Variants in STIM1 observed in about 807,000 individuals in gnomAD.
STIM1 encodes the protein stromal interaction molecule 1.
In STIM1, 25 loss-of-function variants were observed where a neutral mutation model predicts 74.7. The observed-to-expected ratio is 0.33, with a 90% confidence interval of 0.24 to 0.47. The LOEUF is 0.47. Among genes scored for constraint, STIM1 ranks in the 20% least tolerant of loss-of-function variants. STIM1 has a pLI of 1.00. For synonymous variants in STIM1, 328 were observed against 348.8 expected (o/e 0.94, Z 0.66); for missense variants, 728 against 920.8 (o/e 0.79, Z 2.71).
intron 7 of STIM1, among the ~76,000 whole-genome samples, chr11:4,078,362 C>T (rs1169829805): frequency 6.6e-6 from 1 of 152,186 alleles, no homozygotes; most frequent in East Asian, 1.9e-4. Context: ...TGCAGTTCTG[C>T]CACTTCGTAG....
chr11:3,983,990 G>A (rs1440848900), intron 2 of STIM1, among the ~76,000 whole-genome samples: 2 of 151,448 alleles, frequency 1.3e-5, no homozygotes, highest in Non-Finnish European at 1.5e-5. Context: ...CCTCAGCCTC[G>A]CGAGTAGCTG....
rs1276113921 is a variant in STIM1, at chr11:4,055,578, G to A, written c.438G>A (p.Glu146=). The change falls in exon 4 of 13, where the codon GAG becomes GAA. Residue 146 remains glutamate, a synonymous_variant. Coordinates refer to ENST00000526596, the MANE Select transcript of STIM1 (RefSeq NM_001382567.1). ...EVVQWLITYV[E]LPQYEETFRK... is the part of the protein sequence containing the mutation. ...TACAGTGGCTGATCACATATGTGGA[G>A]CTGCCTCAGTATGAGGAGACCTTCC... 1 of 1,601,200 alleles carries A rather than the reference G, an allele frequency of 6.2e-7. No homozygotes were observed. The highest frequency in any genetic ancestry group is 8.5e-7 in the Non-Finnish European group (1 of 1,175,150).
At chr11:4,024,915 G>A (rs940670675) in intron 3 of STIM1, among the ~76,000 whole-genome samples, 1 of 152,144 alleles carries the variant, frequency 6.6e-6, no homozygotes, top group East Asian at 1.9e-4. Flanking sequence ...TGTGGCTAGG[G>A]CACAGATAAC....
At chr11:4,077,270 C>T (rs2094442607) in intron 7 of STIM1, among the ~76,000 whole-genome samples, 1 of 151,580 alleles carries the variant, frequency 6.6e-6, no homozygotes, top group African/African-American at 2.4e-5. Context: ...ATAAAGTAAA[C>T]TTTAGGTCAA....
chr11:4,003,723 G>A (rs906477331), intron 2 of STIM1, among the ~76,000 whole-genome samples: 3 of 152,144 alleles, frequency 2.0e-5, no homozygotes, highest in African/African-American at 7.2e-5. Flanking sequence ...ACATAGTGTT[G>A]GAAGTTCTGG....
At chr11:4,002,832 G>C (rs1455795715) in intron 2 of STIM1, among the ~76,000 whole-genome samples, 4 of 146,216 alleles carry the variant, frequency 2.7e-5, no homozygotes, top group African/African-American at 7.5e-5. Flanking sequence ...AAAATTGATA[G>C]ACCGCTAGCA....
At chr11:3,878,346 C>T (rs2091374547) in intron 1 of STIM1, among the ~76,000 whole-genome samples, 1 of 152,168 alleles carries the variant, frequency 6.6e-6, no homozygotes, top group African/African-American at 2.4e-5. Context: ...TCTTGTTTTA[C>T]ATATGATGAA....
At chr11:3,871,147 G>T (rs1293386835) in intron 1 of STIM1, among the ~76,000 whole-genome samples, 3 of 152,076 alleles carry the variant, frequency 2.0e-5, no homozygotes, top group Admixed American at 6.6e-5. Context: ...GATTACAGGC[G>T]TGAGCCACGA....
At chr11:4,075,361 A>G (rs573805160) in intron 7 of STIM1, among the ~76,000 whole-genome samples, 1 of 152,262 alleles carries the variant, frequency 6.6e-6, no homozygotes, top group Admixed American at 6.5e-5. Flanking sequence ...CCTTCTCAGC[A>G]CCCCAGGAAA....
Position 3,855,908 on chromosome 11 carries a change from C to G in STIM1, c.-363C>G, listed in dbSNP as rs2090346868. 3 of 308,512 alleles carry G rather than the reference C, an allele frequency of 9.7e-6. No individual in the cohort carries two copies. The Admixed American group carries it at 1.3e-4, about 13-fold the overall frequency. The allele number at this position is 308,512 out of a possible 1,614,324, so 19.1% of individuals were successfully genotyped here. A position where few individuals can be genotyped will look rare whatever the true frequency, so the allele number is the denominator to read the frequency against. On this transcript the variant is annotated 5_prime_UTR_variant, in exon 1 of 13. Transcript: ENST00000526596. The stretch of plus-strand genomic sequence containing the variant: ...CTCTCTTCTCTTCTCTTCTCTTCCT[C>G]CTCCACTTCTGTGCCCGCGGAGACT...
chr11:3,989,239 A>G lies in STIM1; in HGVS notation c.270+21557A>G, dbSNP rs2093585572. On this transcript the variant is annotated intron_variant, in intron 2 of 12. Transcript: ENST00000526596. Reference sequence around the variant, plus strand: ...TTTCTTTTCCCTGTTTACTGCAGGTAAATGTTCTTTAGTTTCTTGGTTAGC... The same window carrying G: ...TTTCTTTTCCCTGTTTACTGCAGGTGAATGTTCTTTAGTTTCTTGGTTAGC... 3.1e-5 allele frequency: 27 copies of G among 869,726 alleles called. No individual in the cohort carries two copies. The South Asian group carries it at 3.4e-4, about 11-fold the overall frequency. 53.9% of individuals were successfully genotyped at this position (869,726 alleles called of 1,614,324 possible). A position where few individuals can be genotyped will look rare whatever the true frequency, so the allele number is the denominator to read the frequency against.
At chr11:3,999,096 A>T (rs1045188263) in intron 2 of STIM1, among the ~76,000 whole-genome samples, 1 of 152,200 alleles carries the variant, frequency 6.6e-6, no homozygotes, top group African/African-American at 2.4e-5. Context: ...CTGCAATCCC[A>T]TCACTTTGGG....
At position 3,990,673 on chromosome 11, in the gene STIM1, A is replaced by G. The variant is rs563146049; in HGVS notation, c.270+22991A>G. 1.3e-4 allele frequency among the ~76,000 whole-genome samples: 20 copies of G among 152,234 alleles called. No homozygotes were observed. In the South Asian group the frequency reaches 3.9e-3, roughly 30 times the overall value. Reference sequence around the variant, plus strand: ...TGGTATAAAGCAATATCTCATTATGATTTTGATTTACATTTCTCTGATGAC... The same window carrying G: ...TGGTATAAAGCAATATCTCATTATGGTTTTGATTTACATTTCTCTGATGAC... On this transcript the variant is annotated intron_variant, in intron 2 of 12. Transcript: ENST00000526596.
chr11:3,986,519 G>T (rs2135823760), intron 2 of STIM1, among the ~76,000 whole-genome samples: 1 of 152,304 alleles, frequency 6.6e-6, no homozygotes, highest in East Asian at 1.9e-4. Context: ...TCCTAAAGTT[G>T]AAAAGCTAGA....
intron 2 of STIM1, chr11:3,973,469 A>G: frequency 3.8e-6 from 1 of 260,612 alleles, no homozygotes; most frequent in Non-Finnish European, 7.5e-6. Flanking sequence ...GTGTGAACAC[A>G]GCTCACTGCA....
chr11:3,988,227 A>G (rs1253468645), intron 2 of STIM1, among the ~76,000 whole-genome samples: 1 of 152,194 alleles, frequency 6.6e-6, no homozygotes, highest in Non-Finnish European at 1.5e-5. Context: ...GGGGATTGTC[A>G]GGGAGAGAGA....
chr11:4,004,160 G>A lies in STIM1; in HGVS notation c.271-19713G>A, dbSNP rs559912388. 7.7e-3 allele frequency among the ~76,000 whole-genome samples: 1,166 copies of A among 152,210 alleles called. 10 individuals carry two copies. Among genetic ancestry groups the A allele is most frequent in the Non-Finnish European group, 0.012 (824 of 67,986 alleles). On this transcript the variant is annotated intron_variant, in intron 2 of 12. Transcript: ENST00000526596. Reference sequence around the variant, plus strand: ...GAATCAATATCATGAAAATGGCCATGCTGCCCAAGGTAATTTATAGATTCA... The same window carrying A: ...GAATCAATATCATGAAAATGGCCATACTGCCCAAGGTAATTTATAGATTCA...
chr11:3,934,340 C>T (rs991205418), intron 1 of STIM1, among the ~76,000 whole-genome samples: 1 of 152,146 alleles, frequency 6.6e-6, no homozygotes, highest in African/African-American at 2.4e-5. Context: ...GCTTCCTTTT[C>T]CTGAAGGCTG....
At chr11:3,863,159 G>A (rs2090695283) in intron 1 of STIM1, among the ~76,000 whole-genome samples, 1 of 151,934 alleles carries the variant, frequency 6.6e-6, no homozygotes, top group Non-Finnish European at 1.5e-5. Context: ...CTCCCAAAGT[G>A]TTGGGATTAC....
Sources: gnomAD v4.1 joint callset for allele counts (sites outside exome capture counted in the v4.1 genomes callset) on GRCh38, gnomAD v4.1.1 for gene constraint, MANE v1.5 for transcripts, NCBI Gene and HGNC (gene_info 2026-07-23, HGNC 2026-07-21) for gene names.